Variants in RHOBTB1 observed in about 807,000 individuals in gnomAD.
RHOBTB1 encodes Rho related BTB domain containing 1, also known as rho-related BTB domain-containing protein 1.
Under a neutral mutation model 71.6 loss-of-function variants are expected in RHOBTB1, and 40 were observed. That is an observed-to-expected ratio of 0.56 (90% CI 0.43 to 0.73). The LOEUF is 0.73. Ranked by LOEUF, RHOBTB1 falls within the 30% of genes least tolerant of loss-of-function variation. RHOBTB1 has a pLI of 0.00. For missense variants in RHOBTB1, 797 were observed against 894.0 expected (o/e 0.89, Z 1.38); for synonymous variants, 319 against 334.9 (o/e 0.95, Z 0.52).
Position 60,899,341 on chromosome 10 carries a change from A to G in RHOBTB1, c.297-6346T>C, listed in dbSNP as rs117665450. 1.9e-3 allele frequency among the ~76,000 whole-genome samples: 286 copies of G among 152,344 alleles called. 9 individuals are homozygous for G. In the East Asian group the frequency reaches 0.049, roughly 26 times the overall value. ...TAAACTCTCTTTCAACTCCGTCTGG[A>G]GTTCATATTCCTCTTTGGCATTCCC... is the stretch of plus-strand genomic sequence containing the variant. On this transcript the variant is annotated intron_variant, in intron 4 of 10. Coordinates refer to ENST00000337910, the MANE Select transcript of RHOBTB1 (RefSeq NM_014836.5).
intron 7 of RHOBTB1, among the ~76,000 whole-genome samples, chr10:60,880,077 C>T (rs1462241913): frequency 1.3e-5 from 2 of 151,950 alleles, no homozygotes; most frequent in Admixed American, 6.6e-5. Flanking sequence ...TATGCAAATA[C>T]GATGCCATTT....
chr10:60,974,391 T>C (rs1336607066), intron 2 of RHOBTB1, among the ~76,000 whole-genome samples: 1 of 152,072 alleles, frequency 6.6e-6, no homozygotes, highest in African/African-American at 2.4e-5. Context: ...TAGTTTCTCT[T>C]TGTTTTTCAA....
At chr10:60,987,276 C>A (rs188929232) in intron 1 of RHOBTB1, among the ~76,000 whole-genome samples, 4 of 152,264 alleles carry the variant, frequency 2.6e-5, no homozygotes, top group African/African-American at 7.2e-5. Context: ...TAAACGTGGG[C>A]CTTCCACAAG....
At chr10:60,933,803 A>G (rs1324625064) in intron 2 of RHOBTB1, among the ~76,000 whole-genome samples, 1 of 152,164 alleles carries the variant, frequency 6.6e-6, no homozygotes, top group Non-Finnish European at 1.5e-5. Context: ...AAACTAATAT[A>G]TGTCCATCAA....
intron 2 of RHOBTB1, among the ~76,000 whole-genome samples, chr10:60,928,770 A>C (rs892158091): frequency 1.2e-4 from 18 of 152,212 alleles, no homozygotes; most frequent in African/African-American, 4.1e-4. Context: ...AAAAATAACT[A>C]AGAGTGAAAT....
At chr10:60,879,358 T>G (rs776834506) in intron 7 of RHOBTB1, among the ~76,000 whole-genome samples, 23 of 152,132 alleles carry the variant, frequency 1.5e-4, no homozygotes, top group Non-Finnish European at 2.5e-4. Context: ...TTTATTTTAG[T>G]TTTTTTGAGA....
chr10:60,865,587 A>T (rs756894748), downstream of RHOBTB1, among the ~76,000 whole-genome samples: 2 of 152,238 alleles, frequency 1.3e-5, no homozygotes, highest in Admixed American at 6.5e-5. Context: ...GTAATAGGTA[A>T]CAACTTTCAC....
chr10:60,885,041 C>T (rs1206549743), intron 7 of RHOBTB1, among the ~76,000 whole-genome samples: 2 of 152,066 alleles, frequency 1.3e-5, no homozygotes, highest in East Asian at 3.9e-4. Flanking sequence ...ACTTCAGTCT[C>T]CCAAGTACCT....
chr10:60,942,524 A>G (rs1368013373), intron 1 of RHOBTB1, among the ~76,000 whole-genome samples: 1 of 152,210 alleles, frequency 6.6e-6, no homozygotes, highest in Non-Finnish European at 1.5e-5. Flanking sequence ...TTTCCCATTA[A>G]TATGTCCAAA....
intron 10 of RHOBTB1, 81 bp from the exon 11 acceptor site, chr10:60,871,732 T>C (rs1224509213): frequency 7.6e-7 from 1 of 1,315,014 alleles, no homozygotes; most frequent in Admixed American, 2.4e-5. Context: ...TTAAAGCTTC[T>C]CAAATATCCT....
chr10:60,878,018 A>G lies in RHOBTB1; in HGVS notation c.1616T>C (p.Val539Ala). ...CTGCTTGGTATAGAGATAATCCAATACTGCTTGCATTGATATCTTGTTTAT... is the reference window on the plus strand; with the variant it reads ...CTGCTTGGTATAGAGATAATCCAATGCTGCTTGCATTGATATCTTGTTTAT... ...PNINKISMQA[V>A]LDYLYTKQLS... Residue 539 changes from valine (V) to alanine (A), a missense_variant, in exon 8 of 11, where the codon GTA becomes GCA. Transcript: ENST00000337910. 1.2e-6 allele frequency: 2 copies of G among 1,613,178 alleles called. No homozygotes were observed. Among genetic ancestry groups the G allele is most frequent in the Non-Finnish European group, 1.7e-6 (2 of 1,179,392 alleles).
chr10:60,931,136 C>T (rs1001174423), intron 2 of RHOBTB1, among the ~76,000 whole-genome samples: 4 of 152,022 alleles, frequency 2.6e-5, no homozygotes, highest in Non-Finnish European at 4.4e-5. Flanking sequence ...TCTTTTGATT[C>T]CAAATTTTCT....
At chr10:60,964,383 A>C (rs2085888782) in intron 2 of RHOBTB1, among the ~76,000 whole-genome samples, 1 of 152,134 alleles carries the variant, frequency 6.6e-6, no homozygotes, top group African/African-American at 2.4e-5. Context: ...AAAGTCTCTC[A>C]AGCCAAAAAT....
rs756144123 is a variant in RHOBTB1 at position 60,888,264 on chromosome 10, G to A, written c.1404C>T (p.His468=). ...CTTTTATCCGATTGGCTTTCCTTAC[G>A]TGAAAGGCTTTCGTAATCTCCTGGT... The part of the protein sequence containing the change: ...FMNQEITKAF[H]VRKANRIKEC... Residue 468 remains histidine, a synonymous_variant, in exon 6 of 11, where the codon CAC becomes CAT. Coordinates refer to ENST00000337910, the MANE Select transcript of RHOBTB1 (RefSeq NM_014836.5). The A allele has an allele frequency of 3.0e-5, 48 of 1,613,804 alleles. No individual in the cohort carries two copies. The highest frequency in any genetic ancestry group is 1.3e-4 in the Admixed American group (8 of 59,974).
At chr10:60,881,100 A>T (rs1259884659) in intron 7 of RHOBTB1, among the ~76,000 whole-genome samples, 1 of 152,192 alleles carries the variant, frequency 6.6e-6, no homozygotes, top group Admixed American at 6.5e-5. Context: ...AATAAGTCTC[A>T]TGAGATCTGA....
upstream of RHOBTB1, among the ~76,000 whole-genome samples, chr10:60,946,556 C>T (rs1480897384): frequency 6.6e-6 from 1 of 152,152 alleles, no homozygotes. Flanking sequence ...AGTTAGTTTT[C>T]TGATGTCTTG....
chr10:60,997,369 C>A (rs1471906865), intron 1 of RHOBTB1, among the ~76,000 whole-genome samples: 1 of 152,138 alleles, frequency 6.6e-6, no homozygotes, highest in African/African-American at 2.4e-5. Flanking sequence ...CCTATTAATT[C>A]AGAACTGTGC....
chr10:60,861,037 G>A, the RHOBTB1 span, among the ~76,000 whole-genome samples: 1 of 152,166 alleles, frequency 6.6e-6, no homozygotes, highest in Non-Finnish European at 1.5e-5. Context: ...GGCAAGGCAG[G>A]AGGAAGGCTG....
chr10:60,864,557 G>T (rs994211509), downstream of RHOBTB1, among the ~76,000 whole-genome samples: 1 of 152,086 alleles, frequency 6.6e-6, no homozygotes, highest in Non-Finnish European at 1.5e-5. Context: ...AAGAGCAAAA[G>T]CAACCAGCGG....
Sources: allele counts gnomAD v4.1 joint callset (sites outside exome capture counted in the v4.1 genomes callset), GRCh38; gene constraint gnomAD v4.1.1; transcripts MANE v1.5; gene names NCBI Gene and HGNC (gene_info 2026-07-23, HGNC 2026-07-21).